Variants in ATRNL1 observed in about 807,000 individuals in gnomAD.
ATRNL1 encodes the protein attractin like 1.
In ATRNL1, 95 loss-of-function variants were observed where a neutral mutation model predicts 182.7. The ratio of observed to expected loss-of-function variants is 0.52; its 90% CI spans 0.44 to 0.62. The LOEUF (loss-of-function observed/expected upper bound fraction) is 0.62. Ranked by LOEUF, ATRNL1 falls within the 20% of genes least tolerant of loss-of-function variation. ATRNL1 has a pLI of 0.00. For missense variants in ATRNL1, 1,471 were observed against 1,679.5 expected (o/e 0.88, Z 2.17); for synonymous variants, 576 against 568.3 (o/e 1.01, Z -0.19).
At position 115,397,805 on chromosome 10, in the gene ATRNL1, C is replaced by A. The variant is rs1273597189; in HGVS notation, c.3269+3053C>A. Among the ~76,000 whole-genome samples the A allele has an allele frequency of 2.0e-5, 3 of 151,870 alleles. No individual in the cohort carries two copies. In the East Asian group the frequency reaches 5.8e-4, roughly 29 times the overall value. The stretch of plus-strand genomic sequence containing the variant: ...AGAGCTGGAAAAATATTGCTTCTAC[C>A]CTTACAATGAAAGGGGAAAAAGCTG... On this transcript the variant is annotated intron_variant, in intron 20 of 28. Coordinates refer to ENST00000355044, the MANE Select transcript of ATRNL1 (RefSeq NM_207303.4).
intron 19 of ATRNL1, among the ~76,000 whole-genome samples, chr10:115,370,670 G>A (rs1328990350): frequency 2.6e-5 from 4 of 152,208 alleles, no homozygotes; most frequent in Non-Finnish European, 4.4e-5. Flanking sequence ...TGCTATTAAA[G>A]GCATTCAGTT....
intron 18 of ATRNL1, among the ~76,000 whole-genome samples, chr10:115,320,280 T>C (rs536552446): frequency 6.6e-6 from 1 of 152,302 alleles, no homozygotes; most frequent in East Asian, 1.9e-4. Context: ...TCTGTTGGGC[T>C]TCCCTTTGTA....
chr10:115,854,271 G>A (rs11814419), intron 28 of ATRNL1, among the ~76,000 whole-genome samples: 8,946 of 152,144 alleles, frequency 0.059, 724 homozygotes, highest in African/African-American at 0.18. Flanking sequence ...CTCAATTCTC[G>A]CATCTCTGTA....
At chr10:115,145,510 T>G (rs1845934823) in intron 5 of ATRNL1, among the ~76,000 whole-genome samples, 2 of 152,136 alleles carry the variant, frequency 1.3e-5, no homozygotes, top group Admixed American at 6.5e-5. Context: ...ATTAACAGAT[T>G]GTCAGAATAG....
chr10:115,736,857 T>C (rs1230422060), intron 27 of ATRNL1, among the ~76,000 whole-genome samples: 2 of 152,140 alleles, frequency 1.3e-5, no homozygotes, highest in Non-Finnish European at 2.9e-5. Context: ...AACCTCTGCC[T>C]CGCAGGTTCA....
Position 115,093,682 on chromosome 10 carries a change from A to C in ATRNL1, c.-69A>C. ...CGGCGGAGAGGTTTTCTGCGGCCGG[A>C]ATTCCCTTCAACAGCATCCCTGTCG... On this transcript the variant is annotated 5_prime_UTR_variant, in exon 1 of 29. Coordinates refer to ENST00000355044, the MANE Select transcript of ATRNL1 (RefSeq NM_207303.4). The surrounding 1 kb of genome is among the most constrained non-coding windows in gnomAD (Gnocchi z 6.1). 1 of 1,428,328 alleles carries C rather than the reference A, an allele frequency of 7.0e-7. No homozygotes were observed. The highest frequency in any genetic ancestry group is 9.3e-7 in the Non-Finnish European group (1 of 1,074,960). 88.5% of individuals were successfully genotyped at this position (1,428,328 alleles called of 1,614,324 possible). A position where few individuals can be genotyped will look rare whatever the true frequency, so the allele number is the denominator to read the frequency against.
chr10:115,094,463 C>T (rs1432754280), intron 1 of ATRNL1, among the ~76,000 whole-genome samples: 2 of 152,206 alleles, frequency 1.3e-5, no homozygotes, highest in African/African-American at 2.4e-5. Flanking sequence ...TGTAAAGGTT[C>T]AGTTATGATC....
chr10:115,350,346 G>GAAAAAAAAAAAAA (rs71010016), intron 19 of ATRNL1, among the ~76,000 whole-genome samples: 1 of 66,376 alleles, frequency 1.5e-5, no homozygotes, highest in Non-Finnish European at 2.6e-5. Context: ...AAAAAAAAAA[G>GAAAAAAAAAAAAA]AAAAAAAAAA....
intron 24 of ATRNL1, among the ~76,000 whole-genome samples, chr10:115,502,870 T>A (rs1305620444): frequency 6.6e-6 from 1 of 152,130 alleles, no homozygotes; most frequent in African/African-American, 2.4e-5. Context: ...TCTGCATATG[T>A]TCCCCAGAAC....
intron 28 of ATRNL1, among the ~76,000 whole-genome samples, chr10:115,850,296 C>A (rs1181590488): frequency 1.3e-5 from 2 of 151,902 alleles, no homozygotes; most frequent in Non-Finnish European, 2.9e-5. Flanking sequence ...TGTTGGGAAA[C>A]AATAAAACAA....
chr10:115,336,714 C>T (rs905568451), intron 19 of ATRNL1, among the ~76,000 whole-genome samples: 1 of 152,126 alleles, frequency 6.6e-6, no homozygotes, highest in African/African-American at 2.4e-5. Context: ...CTGTAATTTA[C>T]TTAATATATT....
chr10:115,780,023 G>A (rs572072800), intron 27 of ATRNL1, among the ~76,000 whole-genome samples: 15 of 152,314 alleles, frequency 9.8e-5, no homozygotes, highest in African/African-American at 2.6e-4. Flanking sequence ...ACACTTTCTG[G>A]TTTTAACTTC....
At chr10:115,647,045 T>C (rs188449156) in intron 26 of ATRNL1, among the ~76,000 whole-genome samples, 4,239 of 147,930 alleles carry the variant, frequency 0.029, 101 homozygotes, top group Non-Finnish European at 0.044. Flanking sequence ...AGTGAGAACA[T>C]GCAGTGTTTG....
At chr10:115,196,562 G>C (rs1279917330) in intron 8 of ATRNL1, among the ~76,000 whole-genome samples, 3 of 136,042 alleles carry the variant, frequency 2.2e-5, no homozygotes, top group African/African-American at 7.5e-5. Context: ...CATGGACATG[G>C]TATATCACTT....
At chr10:115,724,452 A>G (rs1484878574) in intron 26 of ATRNL1, among the ~76,000 whole-genome samples, 1 of 152,172 alleles carries the variant, frequency 6.6e-6, no homozygotes, top group South Asian at 2.1e-4. Context: ...AATTGTACCA[A>G]TTAGCAGTTA....
rs1204065024 is a variant in ATRNL1, at chr10:115,223,935, T to A, written c.1532+8055T>A. On this transcript the variant is annotated intron_variant, in intron 9 of 28. Coordinates refer to ENST00000355044, the MANE Select transcript of ATRNL1 (RefSeq NM_207303.4). ...TGTGTATATATATATATATATTTTT[T>A]TTTTTTTTTTTTTTCTTTGAGACAG... Among the ~76,000 whole-genome samples the A allele has an allele frequency of 8.6e-3, 860 of 99,628 alleles. 16 individuals carry two copies. Among genetic ancestry groups the A allele is most frequent in the African/African-American group, 0.032 (650 of 20,202 alleles). The allele number at this position is 99,628 out of a possible 152,430, so 65.4% of individuals were successfully genotyped here.
chr10:115,489,547 C>A (rs782523049), intron 24 of ATRNL1, among the ~76,000 whole-genome samples: 1 of 152,124 alleles, frequency 6.6e-6, no homozygotes, highest in African/African-American at 2.4e-5. Context: ...AGGGTTGCAA[C>A]CTCTGCCCCT....
Position 115,215,797 on chromosome 10 carries a change from T to A in ATRNL1, c.1449T>A (p.Val483=), listed in dbSNP as rs201140053. The change falls in exon 9 of 29, where the codon GTT becomes GTA. Residue 483 remains valine (V), a synonymous_variant. Transcript: ENST00000355044. ...ATGAAATAACAAAGTCCATTTATGT[T>A]CATGGAGGGTATAAAGCATTGCCAG... ...VYDEITKSIY[V]HGGYKALPGN... 170 of 1,609,344 alleles carry A rather than the reference T, an allele frequency of 1.1e-4. No homozygotes were observed. The highest frequency in any genetic ancestry group is 1.4e-4 in the Non-Finnish European group (167 of 1,178,182).
At chr10:115,931,507 T>G (rs565062375) in intron 28 of ATRNL1, among the ~76,000 whole-genome samples, 1 of 152,252 alleles carries the variant, frequency 6.6e-6, no homozygotes, top group South Asian at 2.1e-4. Flanking sequence ...AGAGGAAGAT[T>G]AATTTGAAAA....
Sources: allele counts gnomAD v4.1 joint callset (sites outside exome capture counted in the v4.1 genomes callset), GRCh38; gene constraint gnomAD v4.1.1; non-coding constraint Gnocchi (gnomAD v3.1); transcripts MANE v1.5; gene names NCBI Gene and HGNC (gene_info 2026-07-23, HGNC 2026-07-21).